The following TRPM5 variants were observed in gnomAD, a reference collection of about 807,000 sequenced individuals.
TRPM5 encodes the protein MLSN1 and TRP-related.
In TRPM5, 121 loss-of-function variants were observed where a neutral mutation model predicts 124.9. That is an observed-to-expected ratio of 0.97 (90% CI 0.84 to 1.13). The LOEUF (loss-of-function observed/expected upper bound fraction) is 1.13, where lower values mean the gene tolerates loss of function less well. Among genes scored for constraint, TRPM5 ranks in the 50% most tolerant of loss-of-function variants. The pLI is 0.00. For synonymous variants in TRPM5, 781 were observed against 700.5 expected, an observed-to-expected ratio of 1.11 and a Z score of -1.81; for missense variants, 1,643 against 1,589.1, an observed-to-expected ratio of 1.03 and a Z score of -0.58.
upstream of TRPM5, among the ~76,000 whole-genome samples, chr11:2,425,131 G>A (rs1334135634): frequency 6.6e-6 from 1 of 152,170 alleles, no homozygotes; most frequent in African/African-American, 2.4e-5. Flanking sequence ...CCCAGGTGGG[G>A]GCTGGAGGCT....
At chr11:2,432,490 C>T in the TRPM5 span, among the ~76,000 whole-genome samples, 1 of 152,194 alleles carries the variant, frequency 6.6e-6, no homozygotes, top group African/African-American at 2.4e-5. Flanking sequence ...CCCTGCCATG[C>T]GAGGCTGGGC....
chr11:2,434,221 G>A, the TRPM5 span, among the ~76,000 whole-genome samples: 1 of 151,720 alleles, frequency 6.6e-6, no homozygotes, highest in Non-Finnish European at 1.5e-5. Context: ...GTGTCTGTGT[G>A]GACGCTGTGA....
At chr11:2,422,067 G>T in intron 2 of TRPM5, 74 bp downstream of exon 7, 2 of 918,398 alleles carry the variant, frequency 2.2e-6, no homozygotes, top group Admixed American at 3.9e-5. Flanking sequence ...TGCCTGTGCC[G>T]GGTTGCGGGG....
rs113944242 is a variant in TRPM5, at chr11:2,422,982, G to A, written c.55C>T (p.Arg19Trp). ...TCGCCCCTGTGCAAGCCCAGCTCCCGCCGGTCTTCAGCATCCCCGGGGCTT... is the reference window on the plus strand; with the variant it reads ...TCGCCCCTGTGCAAGCCCAGCTCCCACCGGTCTTCAGCATCCCCGGGGCTT... The change falls in exon 1 of 24, where the codon CGG becomes TGG. Residue 19 changes from arginine (R) to tryptophan (W), a missense_variant. Arg to Trp is a moderately radical substitution (Grantham distance 101, BLOSUM62 -3). Coordinates refer to ENST00000155858, the Ensembl canonical transcript of TRPM5. 91 of 1,612,976 alleles carry A rather than the reference G, an allele frequency of 5.6e-5. No individual in the cohort carries two copies. Among genetic ancestry groups the A allele is most frequent in the African/African-American group, 8.0e-5 (6 of 75,004 alleles).
chr11:2,431,118 A>G, the TRPM5 span, among the ~76,000 whole-genome samples: 1 of 152,082 alleles, frequency 6.6e-6, no homozygotes, highest in Non-Finnish European at 1.5e-5. Context: ...GTCCCCTAGC[A>G]TGGCTGAAAC....
intron 2 of TRPM5, among the ~76,000 whole-genome samples, chr11:2,421,933 C>T (rs1013202680): frequency 6.7e-6 from 1 of 148,756 alleles, no homozygotes; most frequent in East Asian, 2.0e-4. Flanking sequence ...CTGAGAGTTT[C>T]GGGAAATGTT....
the TRPM5 span, among the ~76,000 whole-genome samples, chr11:2,440,596 G>C: frequency 6.6e-6 from 1 of 152,034 alleles, no homozygotes; most frequent in Non-Finnish European, 1.5e-5. The surrounding 1 kb of genome is among the most constrained non-coding windows in gnomAD (Gnocchi z 5.2). Context: ...GACGCCCCTG[G>C]GACCCTTGCT....
intron 20 of TRPM5, 44 bp from the exon 26 acceptor site, chr11:2,406,837 C>A: frequency 1.3e-6 from 2 of 1,586,580 alleles, no homozygotes. Context: ...AGCATGTGGG[C>A]GTCAGTGGCA....
At chr11:2,408,818 C>T (rs776808772) in intron 18 of TRPM5, among the ~76,000 whole-genome samples, 22 of 152,352 alleles carry the variant, frequency 1.4e-4, no homozygotes, top group African/African-American at 1.2e-4. Flanking sequence ...CCTCCATATC[C>T]GAATGGGAGC....
the TRPM5 span, among the ~76,000 whole-genome samples, chr11:2,435,551 C>T: frequency 1.3e-5 from 2 of 152,036 alleles, no homozygotes; most frequent in South Asian, 2.1e-4. The surrounding 1 kb of genome is among the most constrained non-coding windows in gnomAD (Gnocchi z 4.1). Context: ...GTCTGTCTGT[C>T]GATTCATCCA....
chr11:2,407,110 C>G lies in TRPM5; in HGVS notation c.3118+9G>C. The G allele has an allele frequency of 6.4e-7, 1 of 1,570,500 alleles. No homozygotes were observed. The highest frequency in any genetic ancestry group is 8.6e-7 in the Non-Finnish European group (1 of 1,161,334). Reference sequence around the variant, plus strand: ...TCACCCAGGTGCTCCCGCTTGTGCTCGGCCTCACCCAGGTGCTCCCGCTTG... The same window carrying G: ...TCACCCAGGTGCTCCCGCTTGTGCTGGGCCTCACCCAGGTGCTCCCGCTTG... On this transcript the variant is annotated intron_variant, in intron 20 of 23. Transcript: ENST00000155858.
exon 2 of TRPM5, chr11:2,422,209 G>C (rs267602829): frequency 1.9e-6 from 3 of 1,612,372 alleles, no homozygotes; most frequent in East Asian, 2.2e-5. Context: ...CATGGCGAAA[G>C]GCTGCTCCTC....
exon 7 of TRPM5, chr11:2,417,733 C>A (rs34350821): frequency 0.15 from 163,283 of 1,060,940 alleles, 9,679 homozygotes; most frequent in Non-Finnish European, 0.19. Flanking sequence ...TCACCTTTCA[C>A]CAGCGCCTTC....
intron 18 of TRPM5, among the ~76,000 whole-genome samples, chr11:2,409,246 T>C (rs946818275): frequency 6.6e-6 from 1 of 152,032 alleles, no homozygotes; most frequent in Admixed American, 6.6e-5. Flanking sequence ...CCTGGCCACC[T>C]CCAGCCCATG....
chr11:2,415,349 C>A (rs1243677463), exon 9 of TRPM5: 2 of 1,585,604 alleles, frequency 1.3e-6, no homozygotes, highest in South Asian at 2.2e-5. Context: ...AGCGGTAGAG[C>A]TCCTGCAGCC....
chr11:2,414,016 C>CCCCCCCCCCCCCCCCCCCCCCCCCCCCA, intron 12 of TRPM5, 45 bp downstream of exon 17: 1 of 1,259,554 alleles, frequency 7.9e-7, no homozygotes, highest in Non-Finnish European at 1.1e-6. Flanking sequence ...CTCGCCCGCC[C>CCCCCCCCCCCCCCCCCCCCCCCCCCCCA]ACCCCACCCC....
exon 11 of TRPM5, chr11:2,414,738 G>A: frequency 1.3e-6 from 2 of 1,544,290 alleles, no homozygotes; most frequent in Non-Finnish European, 1.7e-6. Context: ...CTCGTATTTC[G>A]CCTCGCGCGT....
At chr11:2,404,766 A>C (rs571302725) in exon 24 of TRPM5, 1 of 585,992 alleles carries the variant, frequency 1.7e-6, no homozygotes, top group African/African-American at 1.9e-5. Context: ...AGGAGGGACA[A>C]GGAGCGGTTC....
chr11:2,423,673 G>A (rs950348318), upstream of TRPM5, among the ~76,000 whole-genome samples: 1 of 152,210 alleles, frequency 6.6e-6, no homozygotes, highest in East Asian at 1.9e-4. Flanking sequence ...TATTCCCGTG[G>A]CGCTCCCACA....
Sources: gnomAD v4.1 joint callset for allele counts (sites outside exome capture counted in the v4.1 genomes callset) on GRCh38, gnomAD v4.1.1 for gene constraint, Gnocchi (gnomAD v3.1) non-coding constraint, MANE v1.5 for transcripts, NCBI Gene and HGNC (gene_info 2026-07-23, HGNC 2026-07-21) for gene names.